The following KANK4 variants were observed in gnomAD, a reference collection of about 807,000 sequenced individuals.
KANK4 encodes KN motif and ankyrin repeat domain-containing protein 4.
In KANK4, 50 loss-of-function variants were observed where a neutral mutation model predicts 80.8. The ratio of observed to expected loss-of-function variants is 0.62; its 90% CI spans 0.49 to 0.78. KANK4 has a LOEUF of 0.78. KANK4 is among the 30% of genes least tolerant of loss of function. KANK4 has a pLI of 0.00. For synonymous variants in KANK4, 465 were observed against 506.9 expected (o/e 0.92, Z 1.11); for missense variants, 1,196 against 1,240.1 (o/e 0.96, Z 0.53).
intron 7 of KANK4, among the ~76,000 whole-genome samples, chr1:62,257,551 A>G (rs1181124308): frequency 6.6e-6 from 1 of 152,234 alleles, no homozygotes; most frequent in African/African-American, 2.4e-5. Context: ...CTTGGGGTTG[A>G]GCCGGCAGAG....
chr1:62,293,294 C>T (rs896532895), intron 1 of KANK4, among the ~76,000 whole-genome samples: 2 of 151,672 alleles, frequency 1.3e-5, no homozygotes, highest in Non-Finnish European at 2.9e-5. Context: ...GGGGTTTTGG[C>T]ATGTTGGCCA....
chr1:62,240,679 A>T (rs1323629466), intron 9 of KANK4, among the ~76,000 whole-genome samples: 1 of 152,064 alleles, frequency 6.6e-6, no homozygotes, highest in African/African-American at 2.4e-5. Context: ...CAAAAAATAA[A>T]TTAATTAATT....
At chr1:62,273,112 T>A (rs1007934348) in intron 3 of KANK4, 92 bp downstream of exon 3, 2 of 934,010 alleles carry the variant, frequency 2.1e-6, no homozygotes, top group Non-Finnish European at 3.1e-6. Flanking sequence ...TTTAAAAACA[T>A]GTTAATATAA....
intron 6 of KANK4, 42 bp downstream of exon 6, chr1:62,266,690 A>G (rs1672029379): frequency 1.5e-6 from 2 of 1,372,720 alleles, no homozygotes; most frequent in Non-Finnish European, 2.1e-6. Context: ...AACGTCTTAA[A>G]CAGAAGGGAA....
chr1:62,290,128 T>C (rs7521016), intron 1 of KANK4, among the ~76,000 whole-genome samples: 8,732 of 152,274 alleles, frequency 0.057, 610 homozygotes, highest in African/African-American at 0.17. Flanking sequence ...AATTATAAAT[T>C]CAATTATAAA....
chr1:62,240,317 T>G (rs893374328), intron 9 of KANK4, among the ~76,000 whole-genome samples: 15 of 152,344 alleles, frequency 9.8e-5, no homozygotes, highest in African/African-American at 3.6e-4. Flanking sequence ...TGTCTTCTTT[T>G]GAGAAGTGTC....
At chr1:62,276,138 C>A (rs1672308789) in intron 2 of KANK4, among the ~76,000 whole-genome samples, 1 of 152,154 alleles carries the variant, frequency 6.6e-6, no homozygotes, top group Non-Finnish European at 1.5e-5. Context: ...GATCTCCTTG[C>A]AGCATCCACC....
intron 9 of KANK4, 84 bp from the exon 10 acceptor site, chr1:62,238,465 G>A (rs1307159428): frequency 2.8e-6 from 3 of 1,089,096 alleles, no homozygotes; most frequent in East Asian, 4.8e-5. Context: ...GGAGTAGAGG[G>A]TATGCCTGGG....
chr1:62,240,566 G>A (rs1671312351), intron 9 of KANK4, among the ~76,000 whole-genome samples: 1 of 152,334 alleles, frequency 6.6e-6, no homozygotes, highest in East Asian at 1.9e-4. Flanking sequence ...CTACTTGGGA[G>A]GCTGAGGCAT....
intron 3 of KANK4, 26 bp from the exon 4 acceptor site, chr1:62,271,615 A>G: frequency 6.5e-7 from 1 of 1,534,640 alleles, no homozygotes; most frequent in Non-Finnish European, 9.0e-7. Context: ...ATCACAGGTT[A>G]GAATGATCTT....
At chr1:62,312,554 T>G (rs1644505855) in intron 1 of KANK4, among the ~76,000 whole-genome samples, 1 of 152,184 alleles carries the variant, frequency 6.6e-6, no homozygotes, top group Non-Finnish European at 1.5e-5. Context: ...CTCTCCTTCT[T>G]GAAGAATCTC....
chr1:62,314,133 C>T lies in KANK4; in HGVS notation c.-71+4973G>A, dbSNP rs554158352. ...GGTTCAAGCGATTCTCCTGCCTCAG[C>T]CTCCTGAGTAGCTGGGATTACAGGC... On this transcript the variant is annotated intron_variant, in intron 1 of 9. Coordinates refer to ENST00000371153, the MANE Select transcript of KANK4 (RefSeq NM_181712.5). 3.9e-3 allele frequency among the ~76,000 whole-genome samples: 597 copies of T among 152,286 alleles called. 2 individuals are homozygous for T. The highest frequency in any genetic ancestry group is 6.7e-3 in the Non-Finnish European group (455 of 68,016).
Position 62,247,555 on chromosome 1 carries a change from T to C in KANK4, c.2800A>G (p.Met934Val), listed in dbSNP as rs1243929658. The C allele has an allele frequency of 1.2e-6, 2 of 1,613,932 alleles. No individual in the cohort carries two copies. The highest frequency in any genetic ancestry group is 1.7e-6 in the Non-Finnish European group (2 of 1,180,016). The change falls in exon 9 of 10, where the codon ATG becomes GTG. Residue 934 changes from methionine (M) to valine (V), a missense_variant. Met to Val is a conservative substitution (Grantham distance 21, BLOSUM62 1). Transcript: ENST00000371153. The stretch of plus-strand genomic sequence containing the variant: ...ACGTTGCCATGGTGACAGGCCACCA[T>C]GAGGGCCGAGGATCCATCGTGGTCC... ...LQDHDGSSAL[M>V]VACHHGNVDL...
At chr1:62,307,634 T>C (rs555046012) in intron 1 of KANK4, among the ~76,000 whole-genome samples, 2 of 152,188 alleles carry the variant, frequency 1.3e-5, no homozygotes, top group African/African-American at 2.4e-5. Flanking sequence ...AGTAAGCTTA[T>C]GGCAGAGATT....
chr1:62,238,287 A>G lies in KANK4; in HGVS notation c.2978T>C (p.Leu993Pro). 6.2e-7 allele frequency: 1 copy of G among 1,613,024 alleles called. No homozygotes were observed. Among genetic ancestry groups the G allele is most frequent in the Non-Finnish European group, 8.5e-7 (1 of 1,179,124 alleles). The change falls in exon 10 of 10, where the codon CTG becomes CCG. Residue 993 changes from leucine to proline, a missense_variant. Physicochemically the swap from Leu to Pro is moderately conservative, Grantham distance 98. Coordinates refer to ENST00000371153, the MANE Select transcript of KANK4 (RefSeq NM_181712.5). ...GTTCTTCTGCAGCCCCTACAGCCCCAGGGACCTGCCCTGCTCCGCGTGGGC... is the reference window on the plus strand; with the variant it reads ...GTTCTTCTGCAGCCCCTACAGCCCCGGGGACCTGCCCTGCTCCGCGTGGGC... ...LRAHAEQGRSLGL is the reference protein window; with the variant it reads ...LRAHAEQGRSPGL
At chr1:62,266,290 C>G (rs148412622) in intron 6 of KANK4, among the ~76,000 whole-genome samples, 2 of 152,336 alleles carry the variant, frequency 1.3e-5, no homozygotes, top group African/African-American at 4.8e-5. Flanking sequence ...TGGGCCCTGG[C>G]CTGCACACTC....
chr1:62,308,295 A>T (rs981663619), intron 1 of KANK4, among the ~76,000 whole-genome samples: 1 of 152,292 alleles, frequency 6.6e-6, no homozygotes, highest in Middle Eastern at 3.4e-3. Flanking sequence ...AGGCGCCTGC[A>T]TGGAGAGGGG....
Position 62,253,131 on chromosome 1 carries a change from T to C in KANK4, c.2618A>G (p.Asn873Ser), listed in dbSNP as rs142552073. The C allele has an allele frequency of 1.6e-4, 260 of 1,613,926 alleles. No individual in the cohort carries two copies. Among genetic ancestry groups the C allele is most frequent in the Non-Finnish European group, 2.0e-4 (241 of 1,179,980 alleles). The part of the protein sequence containing the change: ...MITPLASAET[N>S]EDMAVVWKLL... ...CTTCCAGACAACAGCCATGTCTTCA[T>C]TGGTCTCTGCGGAAGCCAAGGGAGT... Residue 873 changes from asparagine (N) to serine (S), a missense_variant, in exon 8 of 10, where the codon AAT becomes AGT. Physicochemically the swap from Asn to Ser is conservative, Grantham distance 46. This residue lies in a region of KANK4 where 1,154 missense variants were observed against 1,179.6 expected (regional missense o/e 0.98). Transcript: ENST00000371153.
Position 62,275,000 on chromosome 1 carries a change from A to G in KANK4, c.104T>C (p.Leu35Ser). 2 of 1,614,132 alleles carry G rather than the reference A, an allele frequency of 1.2e-6. No individual in the cohort carries two copies. Among genetic ancestry groups the G allele is most frequent in the South Asian group, 2.2e-5 (2 of 91,082 alleles). The change falls in exon 3 of 10, where the codon TTA becomes TCA. Residue 35 changes from leucine to serine, a missense_variant. Around this residue, in one of 3 missense-constraint regions of KANK4, gnomAD observed 6 missense variants for 26.4 expected, o/e 0.23. Transcript: ENST00000371153. ...CACATACTTGAGGAAGTCCAGGTCT[A>G]AATGAAAGCCATATGGGGTCTCCAC... ...YSVETPYGFH[L>S]DLDFLKYVDD...
Sources: gnomAD v4.1 joint callset for allele counts (sites outside exome capture counted in the v4.1 genomes callset) on GRCh38, gnomAD v4.1.1 for gene constraint, gnomAD v4.1.1 regional missense constraint, MANE v1.5 for transcripts, NCBI Gene and HGNC (gene_info 2026-07-23, HGNC 2026-07-21) for gene names.